The following ANKRD55 variants were observed in gnomAD, a reference collection of about 807,000 sequenced individuals.
ANKRD55 encodes the protein ankyrin repeat domain 55.
In ANKRD55, 41 loss-of-function variants were observed where a neutral mutation model predicts 60.6. That is an observed-to-expected ratio of 0.68 (90% confidence interval 0.53 to 0.88). ANKRD55 has a LOEUF of 0.88. Among genes scored for constraint, ANKRD55 ranks in the 40% least tolerant of loss-of-function variants. The pLI, the probability that ANKRD55 is intolerant of heterozygous loss-of-function variation, is 0.00. For synonymous variants in ANKRD55, 264 were observed against 290.3 expected (o/e 0.91, Z 0.92); for missense variants, 732 against 767.6 (o/e 0.95, Z 0.55).
chr5:56,120,298 A>G (rs1051929582), intron 8 of ANKRD55, among the ~76,000 whole-genome samples: 1 of 152,128 alleles, frequency 6.6e-6, no homozygotes, highest in Non-Finnish European at 1.5e-5. Flanking sequence ...AAGTGTTGGA[A>G]TTACAGGCGT....
At chr5:56,189,912 C>T (rs753829703) in intron 2 of ANKRD55, among the ~76,000 whole-genome samples, 1 of 152,168 alleles carries the variant, frequency 6.6e-6, no homozygotes, top group Admixed American at 6.5e-5. Context: ...GTCTTCCAAA[C>T]GGCTGCACCA....
In ANKRD55 at chr5:56,127,082, T is replaced by C; in HGVS notation, c.637A>G (p.Ile213Val). 6.2e-7 allele frequency: 1 copy of C among 1,612,164 alleles called. No individual in the cohort carries two copies. The highest frequency in any genetic ancestry group is 8.5e-7 in the Non-Finnish European group (1 of 1,179,074). ...VQSGNRILCSIILSHHQGPSI... is the reference protein window; with the variant it reads ...VQSGNRILCSVILSHHQGPSI... ...GGCCCCTGGTGATGGCTCAGAATGA[T>C]GGAGCACAGAATCCTATTTCCACTC... The change falls in exon 8 of 12, where the codon ATC becomes GTC. Residue 213 changes from isoleucine (I) to valine (V), a missense_variant. By Grantham distance (29) the Ile-to-Val change is conservative. This residue lies in a region of ANKRD55 where 597 missense variants were observed against 607.5 expected (regional missense o/e 0.98). Transcript: ENST00000341048.
At chr5:56,122,235 G>A (rs191799065) in intron 8 of ANKRD55, among the ~76,000 whole-genome samples, 21 of 152,350 alleles carry the variant, frequency 1.4e-4, no homozygotes, top group Admixed American at 9.1e-4. Flanking sequence ...TTGCCAGCAG[G>A]AGATCAGAGT....
intron 9 of ANKRD55, among the ~76,000 whole-genome samples, chr5:56,113,595 T>C (rs1000948783): frequency 6.6e-6 from 1 of 152,036 alleles, no homozygotes; most frequent in Non-Finnish European, 1.5e-5. Flanking sequence ...AGACAAACTG[T>C]GGTTATGTAG....
chr5:56,123,861 CCTT>C (rs1426705198), intron 8 of ANKRD55, among the ~76,000 whole-genome samples: 3 of 152,146 alleles, frequency 2.0e-5, no homozygotes, highest in African/African-American at 7.2e-5. Context: ...AACTTTAGCT[CCTT>C]CTTATCTCTA....
chr5:56,106,420 C>CTGTTTTTTTTTTTTTTTT (rs1756473230), intron 10 of ANKRD55, among the ~76,000 whole-genome samples: 1 of 96,938 alleles, frequency 1.0e-5, no homozygotes, highest in Admixed American at 1.1e-4. Flanking sequence ...GCTAGGAAAG[C>CTGTTTTTTTTTTTTTTTT]TTTTTTTTTT....
At position 56,139,347 on chromosome 5, in the gene ANKRD55, G is replaced by A. The variant is rs759778682; in HGVS notation, c.612+4454C>T. On this transcript the variant is annotated intron_variant, in intron 7 of 11. Transcript: ENST00000341048. ...TGAGACATTTGGATGAATAAGGCAC[G>A]TTGCCCTTAGGTCCACAGTCTAGAA... Among the ~76,000 whole-genome samples the A allele has an allele frequency of 3.9e-5, 6 of 152,146 alleles. No individual in the cohort carries two copies. In the South Asian group the frequency reaches 8.3e-4, roughly 21 times the overall value.
chr5:56,100,525 CT>C (rs1287431005), intron 11 of ANKRD55, among the ~76,000 whole-genome samples: 1 of 152,112 alleles, frequency 6.6e-6, no homozygotes, highest in Non-Finnish European at 1.5e-5. Flanking sequence ...ACATAGAAGA[CT>C]GTACCAAGTG....
At chr5:56,138,072 G>C (rs1375747715) in intron 7 of ANKRD55, among the ~76,000 whole-genome samples, 1 of 151,870 alleles carries the variant, frequency 6.6e-6, no homozygotes, top group African/African-American at 2.4e-5. Flanking sequence ...TTCACTGCTG[G>C]TGGAAATGCA....
chr5:56,145,943 C>T lies in ANKRD55; in HGVS notation c.484-2014G>A, dbSNP rs371096399. Among the ~76,000 whole-genome samples the T allele has an allele frequency of 1.1e-4, 16 of 152,310 alleles. No homozygotes were observed. The East Asian group carries it at 1.3e-3, about 13-fold the overall frequency. On this transcript the variant is annotated intron_variant, in intron 6 of 11. Coordinates refer to ENST00000341048, the MANE Select transcript of ANKRD55 (RefSeq NM_024669.3). Reference sequence around the variant, plus strand: ...ACTTGGAAATCAGAATACCTCAGTACATTCTAATTGGTCCTCTTCATTTTT... The same window carrying T: ...ACTTGGAAATCAGAATACCTCAGTATATTCTAATTGGTCCTCTTCATTTTT...
intron 10 of ANKRD55, among the ~76,000 whole-genome samples, chr5:56,109,297 G>C (rs1756596628): frequency 6.6e-6 from 1 of 152,164 alleles, no homozygotes; most frequent in Non-Finnish European, 1.5e-5. Flanking sequence ...TGTCTAAGTG[G>C]ACAGTGGTTA....
intron 2 of ANKRD55, among the ~76,000 whole-genome samples, chr5:56,217,555 T>TA (rs142188447): frequency 0.091 from 13,751 of 150,494 alleles, 1,060 homozygotes; most frequent in African/African-American, 0.21. Flanking sequence ...CCAGAGAAAA[T>TA]AAAAAAAAAT....
In ANKRD55 at chr5:56,111,596, G is replaced by A. The variant is rs1359125441; in HGVS notation, c.1152C>T (p.Thr384=). The A allele has an allele frequency of 1.3e-6, 2 of 1,599,830 alleles. No homozygotes were observed. The highest frequency in any genetic ancestry group is 1.7e-6 in the Non-Finnish European group (2 of 1,174,040). ...AGTTGGTACCCACGATGCTATCAAAGGTGGTGATGATGTCATTGACTTCTG... is the reference window on the plus strand; with the variant it reads ...AGTTGGTACCCACGATGCTATCAAAAGTGGTGATGATGTCATTGACTTCTG... ...DTSEVNDIIT[T]FDSIVGTNCQ... is the part of the protein sequence containing the mutation. Residue 384 remains threonine (T), a synonymous_variant, in exon 10 of 12, where the codon ACC becomes ACT. Coordinates refer to ENST00000341048, the MANE Select transcript of ANKRD55 (RefSeq NM_024669.3).
At chr5:56,118,500 T>C (rs1197154999) in intron 8 of ANKRD55, among the ~76,000 whole-genome samples, 2 of 151,996 alleles carry the variant, frequency 1.3e-5, no homozygotes, top group Non-Finnish European at 1.5e-5. Context: ...TGGCGGGCCC[T>C]GTAGTCTCAG....
chr5:56,162,136 T>G (rs574699114), intron 5 of ANKRD55: 2 of 570,316 alleles, frequency 3.5e-6, no homozygotes, highest in South Asian at 7.6e-5. Context: ...TGGTTATCCT[T>G]GGTTACTCCT....
chr5:56,143,592 T>C lies in ANKRD55; in HGVS notation c.612+209A>G, dbSNP rs3906386. Among the ~76,000 whole-genome samples the C allele has an allele frequency of 2.2e-3, 330 of 152,328 alleles. 1 individual carries two copies. The Middle Eastern group carries it at 0.031, about 14-fold the overall frequency. On this transcript the variant is annotated intron_variant, in intron 7 of 11. Coordinates refer to ENST00000341048, the MANE Select transcript of ANKRD55 (RefSeq NM_024669.3). ...AAACAGAGAGAATGAGAGGGGTATGTGTGTGTCTGTGTGTGCCACCCAAGG... is the reference window on the plus strand; with the variant it reads ...AAACAGAGAGAATGAGAGGGGTATGCGTGTGTCTGTGTGTGCCACCCAAGG...
intron 4 of ANKRD55, 44 bp from the exon 5 acceptor site, chr5:56,170,847 C>A (rs369036516): frequency 1.3e-6 from 2 of 1,541,134 alleles, no homozygotes; most frequent in East Asian, 2.3e-5. Context: ...CAGAAGCTCA[C>A]GTAACATGGT....
At chr5:56,147,030 C>A (rs1757916890) in intron 6 of ANKRD55, among the ~76,000 whole-genome samples, 1 of 152,090 alleles carries the variant, frequency 6.6e-6, no homozygotes, top group Non-Finnish European at 1.5e-5. Flanking sequence ...CGCAAGAAAC[C>A]CCCCCACAAA....
intron 8 of ANKRD55, among the ~76,000 whole-genome samples, chr5:56,119,330 C>G (rs752292871): frequency 6.6e-6 from 1 of 152,144 alleles, no homozygotes; most frequent in Non-Finnish European, 1.5e-5. Context: ...ATAAATCAGT[C>G]TCAAAGGATG....
Sources: allele counts gnomAD v4.1 joint callset (sites outside exome capture counted in the v4.1 genomes callset), GRCh38; gene constraint gnomAD v4.1.1; regional missense constraint gnomAD v4.1.1; transcripts MANE v1.5; gene names NCBI Gene and HGNC (gene_info 2026-07-23, HGNC 2026-07-21).